RASGRF2: variants seen among roughly 807,000 people sequenced by gnomAD.
RASGRF2 encodes ras-specific guanine nucleotide-releasing factor 2.
RASGRF2 carries 76 observed loss-of-function variants against 151.0 expected under a neutral mutation model. The observed-to-expected ratio is 0.50, with a 90% CI of 0.42 to 0.61. RASGRF2 has a LOEUF of 0.61. Among genes scored for constraint, RASGRF2 ranks in the 20% least tolerant of loss-of-function variants. RASGRF2 has a pLI of 0.00. For synonymous variants in RASGRF2, 504 were observed against 566.5 expected (o/e 0.89, Z 1.57); for missense variants, 1,148 against 1,564.6 (o/e 0.73, Z 4.49).
At chr5:81,196,018 G>A (rs1333994389) in intron 18 of RASGRF2, among the ~76,000 whole-genome samples, 3 of 152,184 alleles carry the variant, frequency 2.0e-5, no homozygotes, top group Non-Finnish European at 4.4e-5. Flanking sequence ...CAGCACTTTG[G>A]GAGGCCAAGA....
rs543715599 is a variant in RASGRF2, at chr5:81,111,714, AC to A, written c.1839-895del. ...AAGTGTAGGAAGGAAATAAGAAGAG[AC>A]ATTAATACAATATAAAAAACAGTAG... On this transcript the variant is annotated intron_variant, in intron 13 of 26. Transcript: ENST00000265080. 6.4e-3 allele frequency among the ~76,000 whole-genome samples: 976 copies of A among 152,290 alleles called. 6 individuals are homozygous for A. The highest frequency in any genetic ancestry group is 0.01 in the Admixed American group (156 of 15,306).
chr5:81,178,868 G>T lies in RASGRF2; in HGVS notation c.2687-1307G>T, dbSNP rs181845067. Among the ~76,000 whole-genome samples, 477 of 152,156 alleles carry T rather than the reference G, an allele frequency of 3.1e-3. 2 individuals carry two copies. Among genetic ancestry groups the T allele is most frequent in the African/African-American group, 0.011 (460 of 41,514 alleles). ...ATTCTCCTGCCTCAGCCTCCCGAGA[G>T]GCTGGGACTACAGGCGCCCGCCACC... On this transcript the variant is annotated intron_variant, in intron 17 of 26. Coordinates refer to ENST00000265080, the MANE Select transcript of RASGRF2 (RefSeq NM_006909.3).
At chr5:81,030,816 T>C (rs936782025) in intron 1 of RASGRF2, among the ~76,000 whole-genome samples, 13 of 152,186 alleles carry the variant, frequency 8.5e-5, no homozygotes, top group Non-Finnish European at 1.8e-4. Context: ...ACCTTAAATG[T>C]AAATGGGCTA....
At chr5:81,076,692 C>A (rs1339639097) in intron 5 of RASGRF2, among the ~76,000 whole-genome samples, 1 of 151,334 alleles carries the variant, frequency 6.6e-6, no homozygotes, top group East Asian at 1.9e-4. Flanking sequence ...AGTTAGGAGG[C>A]AAGGACATCC....
At chr5:81,086,716 C>A in intron 8 of RASGRF2, 119 bp from the exon 9 acceptor site, 1 of 788,206 alleles carries the variant, frequency 1.3e-6, no homozygotes, top group Non-Finnish European at 2.0e-6. Flanking sequence ...TTCCCCCAAA[C>A]CCCCGGTTCA....
chr5:80,965,862 T>C (rs1172462573), intron 1 of RASGRF2, among the ~76,000 whole-genome samples: 3 of 152,184 alleles, frequency 2.0e-5, no homozygotes, highest in Non-Finnish European at 4.4e-5. Context: ...TGGATTTTTT[T>C]CTGCAGTTTT....
chr5:81,115,457 C>A (rs780341961), intron 15 of RASGRF2, among the ~76,000 whole-genome samples: 3 of 152,142 alleles, frequency 2.0e-5, no homozygotes, highest in Non-Finnish European at 4.4e-5. Flanking sequence ...TTGGGAAACC[C>A]TGTGGAGGGA....
intron 12 of RASGRF2, among the ~76,000 whole-genome samples, chr5:81,097,983 G>A (rs460641): frequency 0.32 from 48,038 of 152,114 alleles, 7,811 homozygotes; most frequent in Admixed American, 0.38. Context: ...GGCAGAGGGT[G>A]AGAGTGGAAG....
In RASGRF2 at chr5:81,203,707, G is replaced by A. The variant is rs529015504; in HGVS notation, c.2906+2265G>A. ...TCAAGTTCTCAACCGGTCCAAACCT[G>A]TTTCCTCATTTATAAAGTGGGACTC... On this transcript the variant is annotated intron_variant, in intron 19 of 26. Coordinates refer to ENST00000265080, the MANE Select transcript of RASGRF2 (RefSeq NM_006909.3). 6.6e-4 allele frequency among the ~76,000 whole-genome samples: 100 copies of A among 152,266 alleles called. 1 individual carries two copies. The highest frequency in any genetic ancestry group is 2.4e-3 in the African/African-American group (98 of 41,538).
At chr5:81,005,184 A>C (rs1252924816) in intron 1 of RASGRF2, among the ~76,000 whole-genome samples, 1 of 152,202 alleles carries the variant, frequency 6.6e-6, no homozygotes, top group Non-Finnish European at 1.5e-5. Context: ...GCTAATAAAG[A>C]CATACCTGAG....
At chr5:81,091,403 G>A (rs775948970) in intron 9 of RASGRF2, among the ~76,000 whole-genome samples, 4 of 152,036 alleles carry the variant, frequency 2.6e-5, no homozygotes, top group Admixed American at 6.6e-5. Flanking sequence ...GAGTCAAGCC[G>A]TCTCCTGGCC....
intron 17 of RASGRF2, among the ~76,000 whole-genome samples, chr5:81,166,092 T>G (rs1425638597): frequency 6.6e-6 from 1 of 152,170 alleles, no homozygotes; most frequent in East Asian, 1.9e-4. Flanking sequence ...AGAATTGGTG[T>G]TGCCTGACTT....
At chr5:81,089,387 T>C (rs1315407638) in intron 9 of RASGRF2, among the ~76,000 whole-genome samples, 3 of 152,164 alleles carry the variant, frequency 2.0e-5, no homozygotes, top group Non-Finnish European at 4.4e-5. Flanking sequence ...TTCCACCTTA[T>C]GTGAATTTTT....
At chr5:81,061,039 C>G (rs1478033405) in intron 2 of RASGRF2, among the ~76,000 whole-genome samples, 1 of 151,778 alleles carries the variant, frequency 6.6e-6, no homozygotes, top group Non-Finnish European at 1.5e-5. Flanking sequence ...ATGTTTATCT[C>G]AATTTCTTGT....
In RASGRF2 at chr5:81,225,982, G is replaced by A. The variant is rs1755991186; in HGVS notation, c.*212G>A. ...AGACTTGGGTGGGAAGGTGAAAGATGGCTATTTAGAAAGCTGGTGGCACGT... is the reference window on the plus strand; with the variant it reads ...AGACTTGGGTGGGAAGGTGAAAGATAGCTATTTAGAAAGCTGGTGGCACGT... On this transcript the variant is annotated 3_prime_UTR_variant, in exon 27 of 27. Transcript: ENST00000265080. 2 of 456,824 alleles carry A rather than the reference G, an allele frequency of 4.4e-6. No homozygotes were observed. Among genetic ancestry groups the A allele is most frequent in the East Asian group, 7.6e-5 (2 of 26,394 alleles). 28.3% of individuals were successfully genotyped at this position (456,824 alleles called of 1,614,324 possible).
Position 81,085,655 on chromosome 5 carries a change from A to G in RASGRF2, c.1162-147A>G. ...TGAAGTGTGAAGTGTAGTTCATTTTATTTGTATTTCTTTTTTAAAAAATGT... is the reference window on the plus strand; with the variant it reads ...TGAAGTGTGAAGTGTAGTTCATTTTGTTTGTATTTCTTTTTTAAAAAATGT... On this transcript the variant is annotated intron_variant, in intron 7 of 26. Coordinates refer to ENST00000265080, the MANE Select transcript of RASGRF2 (RefSeq NM_006909.3). 4 of 1,300,290 alleles carry G rather than the reference A, an allele frequency of 3.1e-6. No homozygotes were observed. The South Asian group carries it at 5.2e-5, about 17-fold the overall frequency. 80.5% of individuals were successfully genotyped at this position (1,300,290 alleles called of 1,614,324 possible). A position where few individuals can be genotyped will look rare whatever the true frequency, so the allele number is the denominator to read the frequency against.
At chr5:81,001,762 G>A (rs538202101) in intron 1 of RASGRF2, among the ~76,000 whole-genome samples, 26 of 152,176 alleles carry the variant, frequency 1.7e-4, no homozygotes, top group African/African-American at 5.8e-4. Context: ...TTCTGCTGTG[G>A]GATTGTAACC....
intron 1 of RASGRF2, among the ~76,000 whole-genome samples, chr5:80,995,192 T>C (rs370918971): frequency 3.2e-4 from 48 of 150,428 alleles, no homozygotes; most frequent in Admixed American, 1.3e-3. Flanking sequence ...GGAGGCGGAG[T>C]TTGCAGTGAG....
intron 2 of RASGRF2, among the ~76,000 whole-genome samples, chr5:81,059,625 T>A (rs552530292): frequency 6.6e-6 from 1 of 151,996 alleles, no homozygotes; most frequent in South Asian, 2.1e-4. Flanking sequence ...GATGGGTGAA[T>A]CACGAGGTCA....
Sources: gnomAD v4.1 joint callset for allele counts (sites outside exome capture counted in the v4.1 genomes callset) on GRCh38, gnomAD v4.1.1 for gene constraint, MANE v1.5 for transcripts, NCBI Gene and HGNC (gene_info 2026-07-23, HGNC 2026-07-21) for gene names.